NFATC2: variants seen among roughly 807,000 people sequenced by gnomAD.
NFATC2 encodes nuclear factor of activated T-cells, cytoplasmic 2.
NFATC2 carries 22 observed loss-of-function variants against 87.3 expected under a neutral mutation model. The observed-to-expected ratio is 0.25, with a 90% CI of 0.18 to 0.36. The LOEUF (loss-of-function observed/expected upper bound fraction) is 0.36. Among genes scored for constraint, NFATC2 ranks in the 10% least tolerant of loss-of-function variants. The pLI, the probability that NFATC2 is intolerant of heterozygous loss-of-function variation, is 1.00. For missense variants in NFATC2, 1,149 were observed against 1,259.1 expected (o/e 0.91, Z 1.32); for synonymous variants, 565 against 542.2 (o/e 1.04, Z -0.58).
chr20:51,542,440 A>G lies in NFATC2; in HGVS notation c.60T>C (p.Pro20=). Residue 20 remains proline (P), a synonymous_variant, in exon 1 of 11, where the codon CCT becomes CCC. Coordinates refer to ENST00000371564, the MANE Select transcript of NFATC2 (RefSeq NM_012340.5). ...CAAGCTCGTCTTGGGGGCTGCCCCC[A>G]GGCTCGTGGCCTGGGGCGTCCCCGC... ...PDGGDAPGHE[P]GGSPQDELDF... is the part of the protein sequence containing the mutation. 1.3e-6 allele frequency: 2 copies of G among 1,596,244 alleles called. No homozygotes were observed. The highest frequency in any genetic ancestry group is 1.1e-5 in the South Asian group (1 of 90,460).
chr20:51,404,144 C>T (rs542572745), intron 9 of NFATC2, among the ~76,000 whole-genome samples: 1 of 152,304 alleles, frequency 6.6e-6, no homozygotes, highest in South Asian at 2.1e-4. Context: ...CTTGTCTGCC[C>T]ATGATCAGGC....
intron 6 of NFATC2, among the ~76,000 whole-genome samples, chr20:51,443,939 A>G (rs981841805): frequency 6.6e-6 from 1 of 152,014 alleles, no homozygotes; most frequent in South Asian, 2.1e-4. Flanking sequence ...AAAACAAAAA[A>G]AATAGGGTGG....
chr20:51,413,003 C>T (rs1373442541), intron 9 of NFATC2, among the ~76,000 whole-genome samples: 2 of 137,276 alleles, frequency 1.5e-5, no homozygotes, highest in Admixed American at 1.4e-4. Context: ...GCCGCCCCCC[C>T]CCCTCCCCGC....
Position 51,435,179 on chromosome 20 carries a change from A to G in NFATC2, c.2032+9T>C, listed in dbSNP as rs1317112332. The G allele has an allele frequency of 6.2e-7, 1 of 1,613,338 alleles. No homozygotes were observed. Among genetic ancestry groups the G allele is most frequent in the Non-Finnish European group, 8.5e-7 (1 of 1,179,738 alleles). On this transcript the variant is annotated intron_variant, in intron 8 of 10. Transcript: ENST00000371564. ...CAATAACAAAGGGGTCATCAGAAAC[A>G]CTCCTTACCTGGGTGGTAGGTAAAG...
At chr20:51,395,554 C>G (rs1345795047) in intron 10 of NFATC2, among the ~76,000 whole-genome samples, 1 of 150,582 alleles carries the variant, frequency 6.6e-6, no homozygotes, top group Admixed American at 6.6e-5. Context: ...TTGGCCTGTG[C>G]TCATCCTTAG....
At chr20:51,546,143 G>A (rs77704114), upstream of NFATC2, among the ~76,000 whole-genome samples, 1,069 of 152,264 alleles carry the variant, frequency 7.0e-3, 15 homozygotes, top group African/African-American at 0.024. Flanking sequence ...TTCAGCCTGA[G>A]GCAGGACCGT....
chr20:51,479,912 C>G (rs1989088589), intron 3 of NFATC2, among the ~76,000 whole-genome samples: 1 of 152,210 alleles, frequency 6.6e-6, no homozygotes, highest in Non-Finnish European at 1.5e-5. Flanking sequence ...GTGGATTCCA[C>G]TCTGCTCTCT....
intron 9 of NFATC2, among the ~76,000 whole-genome samples, chr20:51,421,484 G>A (rs1369132567): frequency 6.6e-6 from 1 of 152,200 alleles, no homozygotes; most frequent in Non-Finnish European, 1.5e-5. Flanking sequence ...TGAAGTCTAA[G>A]AGGAACAACA....
In NFATC2 at chr20:51,463,884, C is replaced by T. The variant is rs527554496; in HGVS notation, c.1709-9196G>A. On this transcript the variant is annotated intron_variant, in intron 5 of 10. Coordinates refer to ENST00000371564, the MANE Select transcript of NFATC2 (RefSeq NM_012340.5). ...GGTACATCGTAGGTGTTCAGAAGGGCACTCTGCCTTCCCAGCTCCCTCATA... is the reference window on the plus strand; with the variant it reads ...GGTACATCGTAGGTGTTCAGAAGGGTACTCTGCCTTCCCAGCTCCCTCATA... Among the ~76,000 whole-genome samples the T allele has an allele frequency of 2.6e-5, 4 of 152,288 alleles. No homozygotes were observed. In the South Asian group the frequency reaches 8.3e-4, roughly 32 times the overall value.
intron 8 of NFATC2, among the ~76,000 whole-genome samples, chr20:51,433,553 C>T (rs144990768): frequency 5.4e-4 from 82 of 152,276 alleles, no homozygotes; most frequent in Middle Eastern, 3.4e-3. Context: ...ATCATGACTA[C>T]CACTTGTGTT....
chr20:51,454,533 C>G lies in NFATC2; in HGVS notation c.1849+15G>C. The G allele has an allele frequency of 6.2e-7, 1 of 1,613,378 alleles. No homozygotes were observed. The highest frequency in any genetic ancestry group is 8.5e-7 in the Non-Finnish European group (1 of 1,179,682). On this transcript the variant is annotated intron_variant, in intron 6 of 10. Transcript: ENST00000371564. Reference sequence around the variant, plus strand: ...GATTCTGGGGGACAGAGAAAGAGCTCAAAAATCCACTGACCTGTGGTCTTC... The same window carrying G: ...GATTCTGGGGGACAGAGAAAGAGCTGAAAAATCCACTGACCTGTGGTCTTC...
Position 51,523,678 on chromosome 20 carries a change from G to A in NFATC2, c.563C>T (p.Ser188Leu), listed in dbSNP as rs2146722916. 1.2e-6 allele frequency: 2 copies of A among 1,613,762 alleles called. No individual in the cohort carries two copies. Among genetic ancestry groups the A allele is most frequent in the Non-Finnish European group, 1.7e-6 (2 of 1,179,812 alleles). The change falls in exon 2 of 11, where the codon TCG becomes TTG. Residue 188 changes from serine (S) to leucine (L), a missense_variant. Physicochemically the swap from Ser to Leu is moderately radical, Grantham distance 145. Coordinates refer to ENST00000371564, the MANE Select transcript of NFATC2 (RefSeq NM_012340.5). This position sits in a 1 kb window ranked among gnomAD's most constrained non-coding sequence, Gnocchi z 6.9. ...GCCGTTATTGGGCGAGACGCAGGGCGAGGTGTAGGGGGAGAAGGTGTCAGA... is the reference window on the plus strand; with the variant it reads ...GCCGTTATTGGGCGAGACGCAGGGCAAGGTGTAGGGGGAGAAGGTGTCAGA... ...FISDTFSPYT[S>L]PCVSPNNGGP...
At chr20:51,517,269 T>C (rs530960873) in intron 2 of NFATC2, among the ~76,000 whole-genome samples, 2 of 152,182 alleles carry the variant, frequency 1.3e-5, no homozygotes, top group African/African-American at 2.4e-5. Context: ...TCTAAACTTA[T>C]CTAAACACAG....
intron 9 of NFATC2, among the ~76,000 whole-genome samples, chr20:51,412,663 G>A (rs551078781): frequency 5.3e-5 from 8 of 152,234 alleles, no homozygotes; most frequent in African/African-American, 9.6e-5. Flanking sequence ...AACCCTGGCC[G>A]GCTCACATGC....
intron 1 of NFATC2, among the ~76,000 whole-genome samples, chr20:51,534,591 T>C (rs1436168770): frequency 1.3e-5 from 2 of 152,210 alleles, no homozygotes; most frequent in East Asian, 3.8e-4. Context: ...CACCTCGGCC[T>C]CCCAGTGCTG....
At chr20:51,431,978 G>A (rs1377369188) in intron 9 of NFATC2, 89 bp downstream of exon 9, 6 of 1,341,600 alleles carry the variant, frequency 4.5e-6, no homozygotes, top group Admixed American at 2.3e-5. Context: ...AAGAGATTAC[G>A]GAATCCGTAG....
At chr20:51,435,374 C>T in intron 7 of NFATC2, 60 bp from the exon 8 acceptor site, 1 of 1,607,558 alleles carries the variant, frequency 6.2e-7, no homozygotes, top group East Asian at 2.2e-5. Context: ...CTACCCAGAC[C>T]CTAAGCGCAT....
intron 9 of NFATC2, among the ~76,000 whole-genome samples, chr20:51,423,350 A>C (rs1981260060): frequency 6.6e-6 from 1 of 151,854 alleles, no homozygotes; most frequent in Non-Finnish European, 1.5e-5. Context: ...ATCAGGGAAA[A>C]TCCATTGCAG....
chr20:51,470,665 T>C (rs554303532), intron 5 of NFATC2, among the ~76,000 whole-genome samples: 1 of 152,306 alleles, frequency 6.6e-6, no homozygotes, highest in East Asian at 1.9e-4. Context: ...GTATACACTG[T>C]CTAAGGGTAT....
Sources: allele counts gnomAD v4.1 joint callset (sites outside exome capture counted in the v4.1 genomes callset), GRCh38; gene constraint gnomAD v4.1.1; non-coding constraint Gnocchi (gnomAD v3.1); transcripts MANE v1.5; gene names NCBI Gene and HGNC (gene_info 2026-07-23, HGNC 2026-07-21).